The following SLC2A13 variants were observed in gnomAD, a reference collection of about 807,000 sequenced individuals.
The protein encoded by SLC2A13 is solute carrier family 2 member 13, also known as proton myo-inositol cotransporter.
SLC2A13 carries 32 observed loss-of-function variants against 64.4 expected under a neutral mutation model. The observed-to-expected ratio is 0.50, with a 90% CI of 0.37 to 0.67. SLC2A13 has a LOEUF of 0.67. Ranked by LOEUF, SLC2A13 falls within the 30% of genes least tolerant of loss-of-function variation. SLC2A13 has a pLI of 0.00. For missense variants in SLC2A13, 743 were observed against 829.2 expected (o/e 0.90, Z 1.28); for synonymous variants, 338 against 327.1 (o/e 1.03, Z -0.36).
At chr12:39,831,428 G>A (rs1432219521) in intron 6 of SLC2A13, among the ~76,000 whole-genome samples, 2 of 152,152 alleles carry the variant, frequency 1.3e-5, no homozygotes, top group Non-Finnish European at 1.5e-5. Flanking sequence ...ACTATGGGTT[G>A]TGAAAGGAGA....
chr12:39,787,520 A>G (rs1013923433), intron 7 of SLC2A13, among the ~76,000 whole-genome samples: 7 of 152,020 alleles, frequency 4.6e-5, no homozygotes, highest in Non-Finnish European at 8.8e-5. Flanking sequence ...TTATTTATTT[A>G]TCCCAGGCAT....
Position 39,830,140 on chromosome 12 carries a change from C to G in SLC2A13, c.1408G>C (p.Val470Leu). 6.2e-7 allele frequency: 1 copy of G among 1,613,696 alleles called. No homozygotes were observed. The highest frequency in any genetic ancestry group is 1.1e-5 in the South Asian group (1 of 91,088). The change falls in exon 7 of 10, where the codon GTT becomes CTT. Residue 470 changes from valine to leucine, a missense_variant. Around this residue, in one of 2 missense-constraint regions of SLC2A13, gnomAD observed 295 missense variants for 381.7 expected, o/e 0.77. Transcript: ENST00000280871. ...GCCTCATTTGTAGATGCTTTATTAA[C>G]TGGAACACAGGAGGAGTCAATGACA... ...STVIDSSCVPVNKASTNEAAW... is the reference protein window; with the variant it reads ...STVIDSSCVPLNKASTNEAAW...
chr12:39,962,431 CAG>C (rs1946430755), intron 3 of SLC2A13, among the ~76,000 whole-genome samples: 1 of 152,196 alleles, frequency 6.6e-6, no homozygotes, highest in South Asian at 2.1e-4. Flanking sequence ...GCCTCTCTGG[CAG>C]AATTTCCAGA....
At chr12:39,830,267 C>A (rs1367133985) in intron 6 of SLC2A13, 39 bp from the exon 7 acceptor site, 1 of 1,599,722 alleles carries the variant, frequency 6.3e-7, no homozygotes, top group East Asian at 2.2e-5. Flanking sequence ...TTGGCAGAGA[C>A]AACTGGTGCT....
chr12:39,952,705 C>A (rs1157441075), intron 3 of SLC2A13, among the ~76,000 whole-genome samples: 1 of 152,096 alleles, frequency 6.6e-6, no homozygotes, highest in African/African-American at 2.4e-5. Context: ...TAGTGACGAT[C>A]CATTTAGAAA....
chr12:39,761,902 A>T (rs1036461923), intron 9 of SLC2A13, among the ~76,000 whole-genome samples: 5 of 152,110 alleles, frequency 3.3e-5, no homozygotes, highest in Non-Finnish European at 4.4e-5. Flanking sequence ...ATTTGGGAAC[A>T]GTAGCATAAT....
intron 7 of SLC2A13, among the ~76,000 whole-genome samples, chr12:39,797,581 G>T (rs73272586): frequency 6.6e-6 from 1 of 152,040 alleles, no homozygotes; most frequent in Non-Finnish European, 1.5e-5. Context: ...GGACAACTTC[G>T]TCCCTTTTGT....
intron 4 of SLC2A13, among the ~76,000 whole-genome samples, chr12:39,895,551 T>TATATATATAC (rs1246193316): frequency 4.5e-5 from 3 of 66,778 alleles, no homozygotes; most frequent in African/African-American, 1.3e-4. Context: ...TATATATATA[T>TATATATATAC]ACACACACAC....
chr12:39,912,056 A>C (rs1592277442), intron 4 of SLC2A13, among the ~76,000 whole-genome samples: 2 of 152,142 alleles, frequency 1.3e-5, no homozygotes, highest in African/African-American at 4.8e-5. Flanking sequence ...AACCAGGTAG[A>C]AATGGCCCAG....
chr12:39,992,343 C>A lies in SLC2A13; in HGVS notation c.925+35958G>T, dbSNP rs147327923. Reference sequence around the variant, plus strand: ...ATGGATCACACCATTTCTCCCCTGACAGATGCTAGCATGATATGCAAACTC... The same window carrying A: ...ATGGATCACACCATTTCTCCCCTGAAAGATGCTAGCATGATATGCAAACTC... On this transcript the variant is annotated intron_variant, in intron 3 of 9. Transcript: ENST00000280871. Among the ~76,000 whole-genome samples, 253 of 152,278 alleles carry A rather than the reference C, an allele frequency of 1.7e-3. 1 individual carries two copies. The highest frequency in any genetic ancestry group is 2.9e-3 in the Non-Finnish European group (197 of 68,022).
Position 40,007,913 on chromosome 12 carries a change from G to A in SLC2A13, c.925+20388C>T, listed in dbSNP as rs867101491. Among the ~76,000 whole-genome samples the A allele has an allele frequency of 5.3e-5, 8 of 152,192 alleles. No individual in the cohort carries two copies. The Middle Eastern group carries it at 0.01, about 194-fold the overall frequency. On this transcript the variant is annotated intron_variant, in intron 3 of 9. Transcript: ENST00000280871. ...TTAAAGATTCCATACATGGAAAAAC[G>A]CCTTATCTATATTACTTTTATAATA... is the stretch of plus-strand genomic sequence containing the variant.
intron 1 of SLC2A13, among the ~76,000 whole-genome samples, chr12:40,066,778 C>T (rs1937744112): frequency 6.6e-6 from 1 of 152,042 alleles, no homozygotes; most frequent in South Asian, 2.1e-4. Flanking sequence ...ACTAAGCTTG[C>T]AAGTTAAAAT....
intron 3 of SLC2A13, among the ~76,000 whole-genome samples, chr12:39,982,542 C>G (rs905622979): frequency 6.6e-5 from 10 of 150,986 alleles, no homozygotes; most frequent in African/African-American, 2.4e-4. Flanking sequence ...AACAGACAAA[C>G]AGAGAGCCAA....
At position 40,048,110 on chromosome 12, in the gene SLC2A13, C is replaced by T. The variant is rs1275470491; in HGVS notation, c.657G>A (p.Gly219=). 1.2e-6 allele frequency: 2 copies of T among 1,613,486 alleles called. No homozygotes were observed. Among genetic ancestry groups the T allele is most frequent in the African/African-American group, 2.7e-5 (2 of 74,904 alleles). ...VTINTLFITG[G]QFFASVVDGA... ...CATCAACAACACTTGCAAAGAACTG[C>T]CCTCCTGTGATGAAGAGGGTATTAA... Residue 219 remains glycine, a synonymous_variant, in exon 2 of 10, where the codon GGG becomes GGA. Coordinates refer to ENST00000280871, the MANE Select transcript of SLC2A13 (RefSeq NM_052885.4).
At chr12:39,824,134 A>G (rs1040347300) in intron 7 of SLC2A13, among the ~76,000 whole-genome samples, 34 of 152,228 alleles carry the variant, frequency 2.2e-4, no homozygotes, top group African/African-American at 8.2e-4. Context: ...TATAATCTAG[A>G]AGCAAATATA....
intron 4 of SLC2A13, among the ~76,000 whole-genome samples, chr12:39,888,636 G>T (rs1565521177): frequency 6.6e-6 from 1 of 152,182 alleles, no homozygotes; most frequent in Non-Finnish European, 1.5e-5. Context: ...GGACAGAATT[G>T]CAAGAGAGCA....
intron 3 of SLC2A13, among the ~76,000 whole-genome samples, chr12:39,997,770 G>C (rs1308638170): frequency 6.6e-6 from 1 of 152,190 alleles, no homozygotes; most frequent in Non-Finnish European, 1.5e-5. Flanking sequence ...GGCGGAGTTT[G>C]CGGTGAGCCG....
chr12:39,869,717 C>T (rs1332990386), intron 5 of SLC2A13, among the ~76,000 whole-genome samples: 1 of 152,184 alleles, frequency 6.6e-6, no homozygotes, highest in African/African-American at 2.4e-5. Flanking sequence ...AGAAGACCTA[C>T]ACTGAGAGGG....
chr12:39,902,680 C>T (rs1201854530), intron 4 of SLC2A13, among the ~76,000 whole-genome samples: 3 of 151,980 alleles, frequency 2.0e-5, no homozygotes, highest in Admixed American at 1.3e-4. Flanking sequence ...TTTTGCACTG[C>T]CTTATAACTA....
Sources: gnomAD v4.1 joint callset for allele counts (sites outside exome capture counted in the v4.1 genomes callset) on GRCh38, gnomAD v4.1.1 for gene constraint, gnomAD v4.1.1 regional missense constraint, MANE v1.5 for transcripts, NCBI Gene and HGNC (gene_info 2026-07-23, HGNC 2026-07-21) for gene names.